The following SLC30A3 variants were observed in gnomAD, a reference collection of about 807,000 sequenced individuals.
SLC30A3 encodes the protein probable proton-coupled zinc antiporter SLC30A3.
Under a neutral mutation model 35.6 loss-of-function variants are expected in SLC30A3, and 20 were observed. That is an observed-to-expected ratio of 0.56 (90% CI 0.39 to 0.82). The LOEUF (loss-of-function observed/expected upper bound fraction) is 0.82, where lower values mean the gene tolerates loss of function less well. SLC30A3 is among the 40% of genes least tolerant of loss of function. The probability of loss-of-function intolerance (pLI) is 0.00; values close to 1 mark genes in which losing one functional copy is unlikely to be tolerated. For missense variants in SLC30A3, 401 were observed against 530.6 expected, an observed-to-expected ratio of 0.76 and a Z score of 2.40; for synonymous variants, 217 against 224.7, an observed-to-expected ratio of 0.97 and a Z score of 0.31.
At chr2:27,275,414 G>A (rs1329080546), upstream of SLC30A3, 1 of 373,170 alleles carries the variant, frequency 2.7e-6, no homozygotes, top group Non-Finnish European at 5.1e-6. Flanking sequence ...GTGCTTCCGG[G>A]GGCGCCAAAA....
At chr2:27,265,092 T>G (rs1677439551), upstream of SLC30A3, among the ~76,000 whole-genome samples, 1 of 152,230 alleles carries the variant, frequency 6.6e-6, no homozygotes, top group Non-Finnish European at 1.5e-5. The surrounding 1 kb of genome is among the most constrained non-coding windows in gnomAD (Gnocchi z 5.9). Context: ...AAAGGGATTC[T>G]TGGCACGGCT....
Position 27,262,731 on chromosome 2 carries a change from C to A in SLC30A3, c.95+81G>T, listed in dbSNP as rs1443543103. The stretch of plus-strand genomic sequence containing the variant: ...GTGCGCTGGGGCGGCCGCCGGGGCC[C>A]GCGCCGAGAGAGACAACGAAATGGA... On this transcript the variant is annotated intron_variant, in intron 1 of 7. Transcript: ENST00000233535. The surrounding 1 kb of genome is among the most constrained non-coding windows in gnomAD (Gnocchi z 7.5). The A allele has an allele frequency of 5.2e-6, 7 of 1,352,134 alleles. No homozygotes were observed. The highest frequency in any genetic ancestry group is 3.8e-5 in the Admixed American group (1 of 26,148). The allele number at this position is 1,352,134 out of a possible 1,614,324, so 83.8% of individuals were successfully genotyped here.
chr2:27,257,092 A>G lies in SLC30A3; in HGVS notation c.777+62T>C. 1.3e-6 allele frequency: 2 copies of G among 1,518,030 alleles called. No individual in the cohort carries two copies. The highest frequency in any genetic ancestry group is 1.8e-6 in the Non-Finnish European group (2 of 1,094,532). 94.0% of individuals were successfully genotyped at this position (1,518,030 alleles called of 1,614,324 possible). ...GAGGAAGGAAGCTTTGGGACCTGGG[A>G]AGGAGTGGGCTGGGATGTGGTTGTG... On this transcript the variant is annotated intron_variant, in intron 5 of 7. Transcript: ENST00000233535. This position sits in a 1 kb window ranked among gnomAD's most constrained non-coding sequence, Gnocchi z 4.7.
intron 1 of SLC30A3, chr2:27,275,171 C>T (rs1029949729): frequency 4.6e-6 from 6 of 1,303,620 alleles, no homozygotes; most frequent in Non-Finnish European, 5.1e-6. Context: ...CATGCAGCAG[C>T]CATACCTCTC....
upstream of SLC30A3, chr2:27,263,060 G>C: frequency 7.3e-7 from 1 of 1,362,416 alleles, no homozygotes; most frequent in Admixed American, 4.0e-5. Context: ...GGCGCGCGGA[G>C]TCCGAACTGC....
In SLC30A3 at chr2:27,256,424, G is replaced by GT. The variant is rs770859310; in HGVS notation, c.979dup (p.Thr327AsnfsTer18). 3 of 1,614,122 alleles carry GT rather than the reference G, an allele frequency of 1.9e-6. No individual in the cohort carries two copies. In the Admixed American group the frequency reaches 5.0e-5, roughly 27 times the overall value. On this transcript the variant is annotated frameshift_variant, in exon 7 of 8. Transcript: ENST00000233535. LOFTEE classifies it high-confidence loss of function. ...TGCAGAGGCAACATGGTAAGTGAGCGTAAGGGCCCACAGGTGCAGCTCATG... is the reference window on the plus strand; with the variant it reads ...TGCAGAGGCAACATGGTAAGTGAGCGTTAAGGGCCCACAGGTGCAGCTCATG...
chr2:27,263,480 A>G (rs1677336264), upstream of SLC30A3: 1 of 351,970 alleles, frequency 2.8e-6, no homozygotes, highest in South Asian at 2.2e-5. Flanking sequence ...AGAACCAGAA[A>G]GAACATGAGG....
intron 1 of SLC30A3, among the ~76,000 whole-genome samples, chr2:27,259,331 A>G (rs1298065778): frequency 6.6e-6 from 1 of 152,124 alleles, no homozygotes; most frequent in Non-Finnish European, 1.5e-5. Flanking sequence ...CATCTCTACT[A>G]AAAATGCAAA....
chr2:27,255,190 T>C lies in SLC30A3; in HGVS notation c.*122A>G, dbSNP rs1255401080. Reference sequence around the variant, plus strand: ...TGAGGCTGGGGAAACTGGCAGGTGGTAGGAGGGAGAGAGGAAGGGGTATGG... The same window carrying C: ...TGAGGCTGGGGAAACTGGCAGGTGGCAGGAGGGAGAGAGGAAGGGGTATGG... On this transcript the variant is annotated 3_prime_UTR_variant, in exon 8 of 8. Transcript: ENST00000233535. The surrounding 1 kb of genome is among the most constrained non-coding windows in gnomAD (Gnocchi z 5.2). 6.3e-7 allele frequency: 1 copy of C among 1,594,394 alleles called. No homozygotes were observed. Among genetic ancestry groups the C allele is most frequent in the African/African-American group, 1.3e-5 (1 of 74,784 alleles).
At chr2:27,264,132 C>CTTGAGGCTCGGCCACCGACTTTGCTGTA, upstream of SLC30A3, 1 of 1,159,506 alleles carries the variant, frequency 8.6e-7, no homozygotes, top group Non-Finnish European at 1.1e-6. The surrounding 1 kb of genome is among the most constrained non-coding windows in gnomAD (Gnocchi z 6.1). Context: ...GAAGCTGTGA[C>CTTGAGGCTCGGCCACCGACTTTGCTGTA]AGTCTGTGAA....
intron 1 of SLC30A3, among the ~76,000 whole-genome samples, chr2:27,269,390 G>A (rs1677636003): frequency 6.6e-6 from 1 of 151,828 alleles, no homozygotes. Flanking sequence ...TGTATTTTTA[G>A]TAGAGACGGG....
At chr2:27,268,174 C>T (rs1677575435) in intron 1 of SLC30A3, among the ~76,000 whole-genome samples, 1 of 152,108 alleles carries the variant, frequency 6.6e-6, no homozygotes, top group Non-Finnish European at 1.5e-5. Context: ...CTGTACTGTA[C>T]AGTACTGTAC....
chr2:27,259,861 G>A (rs945005859), intron 1 of SLC30A3, among the ~76,000 whole-genome samples: 5 of 152,122 alleles, frequency 3.3e-5, no homozygotes, highest in Admixed American at 6.6e-5. Context: ...GATATAGAGC[G>A]AAGGTGGCCA....
chr2:27,267,638 T>G (rs990343098), upstream of SLC30A3, among the ~76,000 whole-genome samples: 1 of 151,978 alleles, frequency 6.6e-6, no homozygotes, highest in African/African-American at 2.4e-5. Context: ...CTTGTCCGTT[T>G]AAAAACTGCA....
In SLC30A3 at chr2:27,256,744, T is replaced by A. The variant is rs1386280455; in HGVS notation, c.883+44A>T. The A allele has an allele frequency of 2.1e-6, 3 of 1,453,194 alleles. No individual in the cohort carries two copies. The East Asian group carries it at 6.9e-5, about 33-fold the overall frequency. The allele number at this position is 1,453,194 out of a possible 1,614,324, so 90.0% of individuals were successfully genotyped here. On this transcript the variant is annotated intron_variant, in intron 6 of 7. Coordinates refer to ENST00000233535, the MANE Select transcript of SLC30A3 (RefSeq NM_003459.5). ...GTGATGGCCCACTGCGAGAGTAAAG[T>A]CAGAGAGGGCCACAGGGATGGGGAG...
rs201287096 is a variant in SLC30A3 at position 27,258,142 on chromosome 2, G to A, written c.424+19C>T. On this transcript the variant is annotated intron_variant, in intron 3 of 7. Coordinates refer to ENST00000233535, the MANE Select transcript of SLC30A3 (RefSeq NM_003459.5). The surrounding 1 kb of genome is among the most constrained non-coding windows in gnomAD (Gnocchi z 4.0). Reference sequence around the variant, plus strand: ...CTCTGGCAAGATTGGAGAGTCACTGGGCCATGCAGGGGCCTTACCTGAACG... The same window carrying A: ...CTCTGGCAAGATTGGAGAGTCACTGAGCCATGCAGGGGCCTTACCTGAACG... 1.0e-4 allele frequency: 167 copies of A among 1,600,726 alleles called. No individual in the cohort carries two copies. Among genetic ancestry groups the A allele is most frequent in the Non-Finnish European group, 1.3e-4 (149 of 1,170,758 alleles).
In SLC30A3 at chr2:27,255,637, T is replaced by A; in HGVS notation, c.1019-177A>T. On this transcript the variant is annotated intron_variant, in intron 7 of 7. Transcript: ENST00000233535. The surrounding 1 kb of genome is among the most constrained non-coding windows in gnomAD (Gnocchi z 5.2). ...GTGTCAAATCAAATGTTGGAGAGACTCACCCCAATCAACCATGCTAACACA... is the reference window on the plus strand; with the variant it reads ...GTGTCAAATCAAATGTTGGAGAGACACACCCCAATCAACCATGCTAACACA... 1 of 653,684 alleles carries A rather than the reference T, an allele frequency of 1.5e-6. No individual in the cohort carries two copies. Among genetic ancestry groups the A allele is most frequent in the Non-Finnish European group, 2.6e-6 (1 of 383,766 alleles). The allele number at this position is 653,684 out of a possible 1,614,324, so 40.5% of individuals were successfully genotyped here.
Position 27,262,728 on chromosome 2 carries a change from G to T in SLC30A3, c.95+84C>A. ...GCGGTGCGCTGGGGCGGCCGCCGGG[G>T]CCCGCGCCGAGAGAGACAACGAAAT... On this transcript the variant is annotated intron_variant, in intron 1 of 7. Coordinates refer to ENST00000233535, the MANE Select transcript of SLC30A3 (RefSeq NM_003459.5). The surrounding 1 kb of genome is among the most constrained non-coding windows in gnomAD (Gnocchi z 7.5). 3.0e-6 allele frequency: 4 copies of T among 1,329,638 alleles called. No individual in the cohort carries two copies. The highest frequency in any genetic ancestry group is 2.0e-6 in the Non-Finnish European group (2 of 1,013,392). 82.4% of individuals were successfully genotyped at this position (1,329,638 alleles called of 1,614,324 possible).
At position 27,262,948 on chromosome 2, in the gene SLC30A3, A is replaced by G. The variant is rs751898260; in HGVS notation, c.-42T>C. ...CCGTCTAGGCCCCACCGAGGAAGAG[A>G]GAGGCCGGGCCGGCCCCGCGCCAAG... On this transcript the variant is annotated 5_prime_UTR_variant, in exon 1 of 8. Transcript: ENST00000233535. This position sits in a 1 kb window ranked among gnomAD's most constrained non-coding sequence, Gnocchi z 7.5. 1.3e-6 allele frequency: 2 copies of G among 1,489,800 alleles called. No individual in the cohort carries two copies. Among genetic ancestry groups the G allele is most frequent in the Non-Finnish European group, 1.8e-6 (2 of 1,130,704 alleles). 92.3% of individuals were successfully genotyped at this position (1,489,800 alleles called of 1,614,324 possible).
Sources: allele counts gnomAD v4.1 joint callset (sites outside exome capture counted in the v4.1 genomes callset), GRCh38; gene constraint gnomAD v4.1.1; non-coding constraint Gnocchi (gnomAD v3.1); transcripts MANE v1.5; gene names NCBI Gene and HGNC (gene_info 2026-07-23, HGNC 2026-07-21).